Variants in KDM2A observed in about 807,000 individuals in gnomAD.
KDM2A encodes lysine-specific demethylase 2A.
KDM2A carries 3 observed loss-of-function variants against 137.3 expected under a neutral mutation model. That is an observed-to-expected ratio of 0.02 (90% CI 0.01 to 0.06). The LOEUF (loss-of-function observed/expected upper bound fraction) is 0.06, where lower values mean the gene tolerates loss of function less well. KDM2A is among the 10% of genes least tolerant of loss of function. The pLI, the probability that KDM2A is intolerant of heterozygous loss-of-function variation, is 1.00. For synonymous variants in KDM2A, 512 were observed against 541.5 expected (o/e 0.95, Z 0.76); for missense variants, 738 against 1,510.6 (o/e 0.49, Z 8.48).
intron 2 of KDM2A, among the ~76,000 whole-genome samples, chr11:67,178,675 G>C (rs1360704476): frequency 6.6e-6 from 1 of 151,034 alleles, no homozygotes; most frequent in Non-Finnish European, 1.5e-5. Context: ...TTTTTTATTT[G>C]GCATAATGTT....
chr11:67,204,593 G>A (rs1287075264), intron 5 of KDM2A, among the ~76,000 whole-genome samples: 1 of 151,412 alleles, frequency 6.6e-6, no homozygotes, highest in Non-Finnish European at 1.5e-5. Context: ...CTGGGTTCAT[G>A]CCATTCTCCT....
chr11:67,159,980 A>C (rs894865192), intron 2 of KDM2A, among the ~76,000 whole-genome samples: 1 of 152,208 alleles, frequency 6.6e-6, no homozygotes, highest in African/African-American at 2.4e-5. Context: ...AATGCTGCTG[A>C]ACTATACACA....
intron 5 of KDM2A, among the ~76,000 whole-genome samples, chr11:67,198,171 C>T (rs1356286564): frequency 6.6e-6 from 1 of 152,128 alleles, no homozygotes; most frequent in Non-Finnish European, 1.5e-5. Flanking sequence ...CCATGTAGTT[C>T]AAACCAGTGT....
chr11:67,194,993 A>G (rs1042906454), intron 5 of KDM2A, among the ~76,000 whole-genome samples: 2 of 152,190 alleles, frequency 1.3e-5, no homozygotes, highest in Non-Finnish European at 1.5e-5. Context: ...TTGCCAGCCT[A>G]TTCATCTGAT....
intron 19 of KDM2A, 116 bp downstream of exon 19, chr11:67,253,727 A>G: frequency 9.2e-7 from 1 of 1,088,082 alleles, no homozygotes; most frequent in Non-Finnish European, 1.4e-6. Context: ...AGAATAGAAG[A>G]GCACAAAATG....
intron 10 of KDM2A, among the ~76,000 whole-genome samples, chr11:67,221,172 A>G (rs370974596): frequency 2.6e-5 from 4 of 152,354 alleles, no homozygotes; most frequent in African/African-American, 9.6e-5. Context: ...TAAGGGCTGA[A>G]TCATATATGA....
intron 12 of KDM2A, among the ~76,000 whole-genome samples, chr11:67,241,281 A>AC (rs1321849245): frequency 6.6e-6 from 1 of 152,060 alleles, no homozygotes; most frequent in African/African-American, 2.4e-5. Flanking sequence ...CCGCCTCTTC[A>AC]CCCCCACGCT....
intron 5 of KDM2A, among the ~76,000 whole-genome samples, chr11:67,200,052 T>C (rs1857578921): frequency 6.6e-6 from 1 of 152,196 alleles, no homozygotes; most frequent in Non-Finnish European, 1.5e-5. Flanking sequence ...GCCTAGATGA[T>C]ATCACATCTG....
intron 10 of KDM2A, among the ~76,000 whole-genome samples, chr11:67,226,946 T>TAA (rs933977657): frequency 6.7e-6 from 1 of 150,348 alleles, no homozygotes; most frequent in Admixed American, 6.6e-5. Context: ...CTCTAAAAGT[T>TAA]AAAAAAAAAT....
In KDM2A at chr11:67,215,327, C is replaced by T; in HGVS notation, c.487-13C>T. On this transcript the variant is annotated splice_polypyrimidine_tract_variant and intron_variant, in intron 6 of 20. Transcript: ENST00000529006. Reference sequence around the variant, plus strand: ...TCCCTTGGAGCCCAAGTGTTTCCTCCTTCTATTTAAAGGTGGATTTCATTG... The same window carrying T: ...TCCCTTGGAGCCCAAGTGTTTCCTCTTTCTATTTAAAGGTGGATTTCATTG... 6.3e-7 allele frequency: 1 copy of T among 1,584,450 alleles called. No homozygotes were observed. Among genetic ancestry groups the T allele is most frequent in the Non-Finnish European group, 8.7e-7 (1 of 1,154,740 alleles).
intron 5 of KDM2A, among the ~76,000 whole-genome samples, chr11:67,205,093 C>T (rs762707934): frequency 5.0e-4 from 76 of 152,216 alleles, no homozygotes; most frequent in African/African-American, 1.7e-3. Flanking sequence ...ATTTCCATAG[C>T]GGCTGCACCA....
chr11:67,122,276 G>A (rs1015875765), intron 2 of KDM2A, among the ~76,000 whole-genome samples: 3 of 152,130 alleles, frequency 2.0e-5, no homozygotes, highest in Admixed American at 6.5e-5. Context: ...AATGGTTCTC[G>A]AATACATTTT....
intron 2 of KDM2A, among the ~76,000 whole-genome samples, chr11:67,131,469 T>G (rs1193975371): frequency 6.7e-6 from 1 of 148,782 alleles, no homozygotes; most frequent in Non-Finnish European, 1.5e-5. Context: ...TGGAGTGTAG[T>G]GGTGCGATAT....
chr11:67,254,460 C>T lies in KDM2A; in HGVS notation c.3307+42C>T, dbSNP rs750579484. ...GTTCATAATCAGCGGTGCCCCCTGCCTCCAGCCCTCCCTGGAACTTGATCA... is the reference window on the plus strand; with the variant it reads ...GTTCATAATCAGCGGTGCCCCCTGCTTCCAGCCCTCCCTGGAACTTGATCA... On this transcript the variant is annotated intron_variant, in intron 20 of 20. Coordinates refer to ENST00000529006, the MANE Select transcript of KDM2A (RefSeq NM_012308.3). This position sits in a 1 kb window ranked among gnomAD's most constrained non-coding sequence, Gnocchi z 4.7. The T allele has an allele frequency of 6.5e-7, 1 of 1,536,044 alleles. No homozygotes were observed. The highest frequency in any genetic ancestry group is 9.0e-7 in the Non-Finnish European group (1 of 1,111,498).
chr11:67,245,809 C>A lies in KDM2A; in HGVS notation c.1834-176C>A. 1 of 725,596 alleles carries A rather than the reference C, an allele frequency of 1.4e-6. No homozygotes were observed. The highest frequency in any genetic ancestry group is 2.2e-6 in the Non-Finnish European group (1 of 453,770). 44.9% of individuals were successfully genotyped at this position (725,596 alleles called of 1,614,324 possible). A position where few individuals can be genotyped will look rare whatever the true frequency, so the allele number is the denominator to read the frequency against. On this transcript the variant is annotated intron_variant, in intron 14 of 20. Coordinates refer to ENST00000529006, the MANE Select transcript of KDM2A (RefSeq NM_012308.3). The surrounding 1 kb of genome is among the most constrained non-coding windows in gnomAD (Gnocchi z 4.1). Reference sequence around the variant, plus strand: ...CTGGTGCCCAGGTGGTTGAGTCCTCCTCTTCCCCAGTCATTTTTCCTACCC... The same window carrying A: ...CTGGTGCCCAGGTGGTTGAGTCCTCATCTTCCCCAGTCATTTTTCCTACCC...
intron 8 of KDM2A, chr11:67,217,518 G>A (rs1858204643): frequency 1.8e-6 from 1 of 563,970 alleles, no homozygotes; most frequent in Non-Finnish European, 3.2e-6. Context: ...AAACCCAAGG[G>A]AAGCCTTAAT....
At chr11:67,232,713 A>AATTAATTT (rs1491124556) in intron 12 of KDM2A, among the ~76,000 whole-genome samples, 1 of 147,234 alleles carries the variant, frequency 6.8e-6, no homozygotes, top group African/African-American at 2.5e-5. Context: ...TTAATTAATT[A>AATTAATTT]ATTAATTTAT....
intron 15 of KDM2A, among the ~76,000 whole-genome samples, chr11:67,247,072 T>TATATATATATA (rs1491570916): frequency 2.7e-4 from 5 of 18,344 alleles, no homozygotes; most frequent in African/African-American, 8.2e-4. Context: ...TATATATATA[T>TATATATATATA]TTTTTTTTTT....
At chr11:67,214,733 A>T (rs1011966589) in intron 6 of KDM2A, among the ~76,000 whole-genome samples, 1 of 152,152 alleles carries the variant, frequency 6.6e-6, no homozygotes, top group Non-Finnish European at 1.5e-5. Context: ...TGGCCTTCCA[A>T]AGCTCTGGGA....
Sources: allele counts gnomAD v4.1 joint callset (sites outside exome capture counted in the v4.1 genomes callset), GRCh38; gene constraint gnomAD v4.1.1; non-coding constraint Gnocchi (gnomAD v3.1); transcripts MANE v1.5; gene names NCBI Gene and HGNC (gene_info 2026-07-23, HGNC 2026-07-21).